The following EPM2A variants were observed in gnomAD, a reference collection of about 807,000 sequenced individuals.
EPM2A encodes laforin.
A neutral mutation model predicts 26.5 loss-of-function variants in EPM2A; 21 were observed. The ratio of observed to expected loss-of-function variants is 0.79; its 90% CI spans 0.56 to 1.14. EPM2A has a LOEUF of 1.14. EPM2A is among the 50% of genes most tolerant of loss of function. The pLI, the probability that EPM2A is intolerant of heterozygous loss-of-function variation, is 0.00. For synonymous variants in EPM2A, 217 were observed against 177.6 expected (o/e 1.22, Z -1.76); for missense variants, 458 against 440.8 (o/e 1.04, Z -0.35).
chr6:145,441,460 T>A (rs939850734), intron 4 of EPM2A, among the ~76,000 whole-genome samples: 2 of 152,240 alleles, frequency 1.3e-5, no homozygotes, highest in African/African-American at 4.8e-5. Flanking sequence ...TCATTACTTA[T>A]GCAAATTCCT....
intron 1 of EPM2A, among the ~76,000 whole-genome samples, chr6:145,725,945 G>A (rs1425257741): frequency 1.3e-5 from 2 of 151,810 alleles, no homozygotes; most frequent in African/African-American, 4.8e-5. Context: ...TCTTTGTTTT[G>A]CCAGCTAAGA....
intron 2 of EPM2A, among the ~76,000 whole-genome samples, chr6:145,619,130 G>A (rs1347388741): frequency 6.6e-6 from 1 of 152,088 alleles, no homozygotes. Context: ...GCCAGTGTCT[G>A]CTCAACAGAG....
chr6:145,518,595 CAAAAAAAAAAAAAAAA>C (rs55802475), intron 2 of EPM2A, among the ~76,000 whole-genome samples: 1 of 102,664 alleles, frequency 9.7e-6, no homozygotes, highest in Non-Finnish European at 2.0e-5. Flanking sequence ...TGAAATGCAC[CAAAAAAAAAAAAAAAA>C]AAAAAAAAAA....
chr6:145,478,233 T>G (rs1582786537), intron 4 of EPM2A, among the ~76,000 whole-genome samples: 1 of 151,738 alleles, frequency 6.6e-6, no homozygotes, highest in African/African-American at 2.4e-5. Context: ...GTGAATGATC[T>G]CTATAATAAA....
At chr6:145,636,110 G>T in intron 2 of EPM2A, 1 of 152,266 alleles carries the variant, frequency 6.6e-6, no homozygotes, top group Non-Finnish European at 1.5e-5. Flanking sequence ...TTATCATTGA[G>T]GTTTATTATA....
intron 1 of EPM2A, among the ~76,000 whole-genome samples, chr6:145,707,306 AAGATAGGAAGTGG>A (rs537472099): frequency 8.3e-4 from 126 of 152,316 alleles, no homozygotes; most frequent in African/African-American, 2.9e-3. Context: ...GTACAGTACT[AAGATAGGAAGTGG>A]CAGGGGAAGA....
chr6:145,400,018 T>G (rs1191687610), intron 4 of EPM2A, among the ~76,000 whole-genome samples: 1 of 152,212 alleles, frequency 6.6e-6, no homozygotes, highest in Non-Finnish European at 1.5e-5. Context: ...ATTTTTATGC[T>G]GCTTAAAAGG....
chr6:145,466,183 A>C (rs1370877008), intron 4 of EPM2A, among the ~76,000 whole-genome samples: 4 of 147,316 alleles, frequency 2.7e-5, no homozygotes, highest in African/African-American at 5.0e-5. Context: ...AAAAAAAAAA[A>C]CTACCATCAG....
chr6:145,733,188 C>G (rs191162991), intron 1 of EPM2A, among the ~76,000 whole-genome samples: 7 of 152,144 alleles, frequency 4.6e-5, no homozygotes, highest in African/African-American at 1.7e-4. Context: ...TTTTTCTTAT[C>G]CTCTCTTATA....
intron 2 of EPM2A, among the ~76,000 whole-genome samples, chr6:145,507,588 AG>A (rs1779994542): frequency 6.6e-6 from 1 of 152,200 alleles, no homozygotes; most frequent in Non-Finnish European, 1.5e-5. Flanking sequence ...GACCAAGAGG[AG>A]GATGCCATTT....
intron 2 of EPM2A, among the ~76,000 whole-genome samples, chr6:145,509,192 C>T (rs1478046122): frequency 1.3e-5 from 2 of 152,106 alleles, no homozygotes; most frequent in Non-Finnish European, 2.9e-5. Flanking sequence ...GAAAATGTCT[C>T]TAATCTGGCT....
intron 4 of EPM2A, among the ~76,000 whole-genome samples, chr6:145,422,844 C>G (rs1214660032): frequency 6.6e-6 from 1 of 152,072 alleles, no homozygotes; most frequent in Non-Finnish European, 1.5e-5. Context: ...AAGGTAGTAT[C>G]AATCAATAAG....
chr6:145,419,652 T>C (rs1282477228), intron 4 of EPM2A, among the ~76,000 whole-genome samples: 2 of 152,170 alleles, frequency 1.3e-5, no homozygotes, highest in African/African-American at 2.4e-5. Context: ...TTTGACACAT[T>C]ATGTGTTTAG....
At chr6:145,581,895 T>A (rs1781119303) in intron 2 of EPM2A, among the ~76,000 whole-genome samples, 1 of 152,220 alleles carries the variant, frequency 6.6e-6, no homozygotes, top group Non-Finnish European at 1.5e-5. Context: ...AGTCAAGTAA[T>A]GTGATACCTC....
chr6:145,651,073 T>C (rs1208601054), intron 2 of EPM2A, among the ~76,000 whole-genome samples: 1 of 152,184 alleles, frequency 6.6e-6, no homozygotes, highest in Admixed American at 6.5e-5. Flanking sequence ...TTTTATTCAA[T>C]ATGAATAGAA....
chr6:145,612,497 C>A (rs922956165), intron 2 of EPM2A, among the ~76,000 whole-genome samples: 37 of 151,854 alleles, frequency 2.4e-4, no homozygotes, highest in African/African-American at 8.9e-4. Context: ...GGCCAGAAAA[C>A]AATTTCTTTC....
At chr6:145,724,871 A>C (rs1776117921) in intron 1 of EPM2A, among the ~76,000 whole-genome samples, 1 of 152,080 alleles carries the variant, frequency 6.6e-6, no homozygotes, top group African/African-American at 2.4e-5. Context: ...AAATATATAC[A>C]TATGTAAAAA....
intron 3 of EPM2A, among the ~76,000 whole-genome samples, chr6:145,502,104 G>A (rs1779898443): frequency 1.3e-5 from 2 of 152,164 alleles, no homozygotes; most frequent in Non-Finnish European, 1.5e-5. Flanking sequence ...AAGAAACAAA[G>A]GCATGAGCAC....
rs146341153 is a variant in EPM2A, at chr6:145,584,716, G to T, written c.340+50529C>A. Among the ~76,000 whole-genome samples, 202 of 152,178 alleles carry T rather than the reference G, an allele frequency of 1.3e-3. 1 individual carries two copies. The highest frequency in any genetic ancestry group is 4.7e-3 in the African/African-American group (196 of 41,538). On this transcript the variant is annotated intron_variant, in intron 2 of 3. Coordinates refer to the EPM2A transcript ENST00000450221. ...TAACTCTCCCCCATGACTCACTGAG[G>T]GTCAGGAGCAGGTCCTGGTGTTCAG...
Sources: gnomAD v4.1 joint callset for allele counts (sites outside exome capture counted in the v4.1 genomes callset) on GRCh38, gnomAD v4.1.1 for gene constraint, MANE v1.5 for transcripts, NCBI Gene and HGNC (gene_info 2026-07-23, HGNC 2026-07-21) for gene names.